PLXDC2: variants seen among roughly 807,000 people sequenced by gnomAD.
PLXDC2 encodes the protein plexin domain-containing protein 2.
A neutral mutation model predicts 68.9 loss-of-function variants in PLXDC2; 40 were observed. That is an observed-to-expected ratio of 0.58 (90% CI 0.45 to 0.76). The LOEUF is 0.76. Among genes scored for constraint, PLXDC2 ranks in the 30% least tolerant of loss-of-function variants. The pLI is 0.00. For missense variants in PLXDC2, 644 were observed against 661.9 expected, an observed-to-expected ratio of 0.97 and a Z score of 0.30; for synonymous variants, 243 against 234.2, an observed-to-expected ratio of 1.04 and a Z score of -0.34.
intron 4 of PLXDC2, among the ~76,000 whole-genome samples, chr10:20,114,676 T>A (rs543861368): frequency 6.6e-6 from 1 of 152,170 alleles, no homozygotes; most frequent in East Asian, 1.9e-4. Context: ...ATGAATAGGA[T>A]TTTTCAGGGC....
chr10:19,824,224 TA>T (rs1836531710), intron 1 of PLXDC2, among the ~76,000 whole-genome samples: 1 of 152,216 alleles, frequency 6.6e-6, no homozygotes, highest in African/African-American at 2.4e-5. Context: ...TTATAAATAG[TA>T]CCTAGGAGTT....
At chr10:19,987,911 G>A (rs1376613200) in intron 1 of PLXDC2, among the ~76,000 whole-genome samples, 2 of 152,076 alleles carry the variant, frequency 1.3e-5, no homozygotes, top group Non-Finnish European at 2.9e-5. Context: ...ACAGAAAAGA[G>A]GAGGAAAAGT....
At chr10:19,954,890 C>T (rs532147228) in intron 1 of PLXDC2, among the ~76,000 whole-genome samples, 1 of 152,136 alleles carries the variant, frequency 6.6e-6, no homozygotes, top group Non-Finnish European at 1.5e-5. Flanking sequence ...TCTTGCCCCC[C>T]CATCCCTGTC....
intron 1 of PLXDC2, among the ~76,000 whole-genome samples, chr10:19,883,390 T>G (rs971416980): frequency 6.6e-6 from 1 of 152,226 alleles, no homozygotes; most frequent in African/African-American, 2.4e-5. Flanking sequence ...CCATCAAAAC[T>G]CCACCCTCTT....
Position 19,986,548 on chromosome 10 carries a change from C to CAAAAGAA in PLXDC2, c.113-15224_113-15223insAGAAAAA, listed in dbSNP as rs1352192129. Among the ~76,000 whole-genome samples the CAAAAGAA allele has an allele frequency of 4.0e-5, 6 of 149,134 alleles. 1 individual carries two copies. Among genetic ancestry groups the CAAAAGAA allele is most frequent in the Non-Finnish European group, 8.9e-5 (6 of 67,228 alleles). ...AGATGTTGATGGCTTAAAAAAAAAA[C>CAAAAGAA]AAAGAAAAAGAAAAAGACATACAAA... On this transcript the variant is annotated intron_variant, in intron 1 of 13. Transcript: ENST00000377252.
At chr10:20,089,151 A>T (rs1833240426) in intron 4 of PLXDC2, among the ~76,000 whole-genome samples, 1 of 134,872 alleles carries the variant, frequency 7.4e-6, no homozygotes, top group Non-Finnish European at 1.6e-5. Context: ...TGTTAAATTA[A>T]AAAAAAACCT....
chr10:19,980,160 A>G (rs1589567697), intron 1 of PLXDC2, among the ~76,000 whole-genome samples: 1 of 152,306 alleles, frequency 6.6e-6, no homozygotes, highest in Non-Finnish European at 1.5e-5. Context: ...GTGTGACTGC[A>G]TTTTTTAATA....
At chr10:20,062,101 T>C (rs1836115787) in intron 3 of PLXDC2, among the ~76,000 whole-genome samples, 1 of 152,206 alleles carries the variant, frequency 6.6e-6, no homozygotes, top group African/African-American at 2.4e-5. Context: ...GTGTCTTGAC[T>C]TTACAGATGA....
chr10:19,879,344 A>T (rs1837687986), intron 1 of PLXDC2, among the ~76,000 whole-genome samples: 1 of 152,124 alleles, frequency 6.6e-6, no homozygotes, highest in African/African-American at 2.4e-5. Flanking sequence ...TACTCAGCCA[A>T]GGTTTGCTGA....
intron 4 of PLXDC2, among the ~76,000 whole-genome samples, chr10:20,086,005 G>T (rs1024875008): frequency 3.5e-4 from 53 of 152,142 alleles, no homozygotes; most frequent in African/African-American, 1.2e-3. Flanking sequence ...TTCTTGTAAT[G>T]GTTTGCTTGA....
At chr10:19,856,457 ACAT>A (rs1837216384) in intron 1 of PLXDC2, among the ~76,000 whole-genome samples, 1 of 152,014 alleles carries the variant, frequency 6.6e-6, no homozygotes, top group African/African-American at 2.4e-5. Context: ...GGTTTGCCAG[ACAT>A]CATCATCTGC....
intron 10 of PLXDC2, among the ~76,000 whole-genome samples, chr10:20,213,804 G>C (rs901630139): frequency 4.5e-4 from 69 of 152,010 alleles, no homozygotes; most frequent in African/African-American, 1.6e-3. Flanking sequence ...TTTTCCTGTT[G>C]GTTGGGTGTC....
chr10:20,287,077 C>T lies in PLXDC2; in HGVS notation c.*7258C>T, dbSNP rs1836165212. The T allele has an allele frequency of 6.6e-6, 1 of 152,178 alleles. No homozygotes were observed. Among genetic ancestry groups the T allele is most frequent in the African/African-American group, 2.4e-5 (1 of 41,438 alleles). The allele number at this position is 152,178 out of a possible 1,614,324, so 9.4% of individuals were successfully genotyped here. On this transcript the variant is annotated 3_prime_UTR_variant, in exon 14 of 14. Coordinates refer to ENST00000377252, the MANE Select transcript of PLXDC2 (RefSeq NM_032812.9). ...CTAATAAATACTCATTGATGACCAGCTCAAATTTAGGTCATTCAGACATCC... is the reference window on the plus strand; with the variant it reads ...CTAATAAATACTCATTGATGACCAGTTCAAATTTAGGTCATTCAGACATCC...
intron 1 of PLXDC2, among the ~76,000 whole-genome samples, chr10:19,961,406 A>C (rs561584714): frequency 9.2e-5 from 14 of 152,366 alleles, no homozygotes; most frequent in African/African-American, 2.9e-4. Context: ...TTTTGTTCCT[A>C]GCATTCTACT....
chr10:20,227,056 T>C (rs1213360992), intron 12 of PLXDC2, among the ~76,000 whole-genome samples: 1 of 152,160 alleles, frequency 6.6e-6, no homozygotes, highest in African/African-American at 2.4e-5. Context: ...CTAGTTATTG[T>C]AGTAGATGGC....
At chr10:20,065,997 G>A (rs909030860) in intron 3 of PLXDC2, among the ~76,000 whole-genome samples, 8 of 152,366 alleles carry the variant, frequency 5.3e-5, no homozygotes, top group African/African-American at 1.7e-4. Flanking sequence ...TTCTGAGGAA[G>A]TTATTGCAAT....
chr10:19,958,097 A>G (rs1834099707), intron 1 of PLXDC2, among the ~76,000 whole-genome samples: 1 of 151,876 alleles, frequency 6.6e-6, no homozygotes, highest in African/African-American at 2.4e-5. Flanking sequence ...ATCTTCTTGG[A>G]TTAACACCTG....
At chr10:19,936,333 C>G (rs1833722930) in intron 1 of PLXDC2, among the ~76,000 whole-genome samples, 1 of 152,032 alleles carries the variant, frequency 6.6e-6, no homozygotes, top group Non-Finnish European at 1.5e-5. Flanking sequence ...CAGGGGTTGG[C>G]AAATGTTTTC....
rs11307851 is a variant in PLXDC2 at position 20,185,160 on chromosome 10, GAAAAAAAAAAA to G, written c.1061+7768_1061+7778del. On this transcript the variant is annotated intron_variant, in intron 9 of 13. Coordinates refer to ENST00000377252, the MANE Select transcript of PLXDC2 (RefSeq NM_032812.9). ...TGCACATACATCCCAGAACTGAAAG[GAAAAAAAAAAA>G]AAAAAAAAAAAAAAAACTATGGGTA... Among the ~76,000 whole-genome samples, 6 of 56,006 alleles carry G rather than the reference GAAAAAAAAAAA, an allele frequency of 1.1e-4. No homozygotes were observed. The East Asian group carries it at 1.9e-3, about 18-fold the overall frequency. The allele number at this position is 56,006 out of a possible 152,430, so 36.7% of individuals were successfully genotyped here.
Sources: gnomAD v4.1 joint callset for allele counts (sites outside exome capture counted in the v4.1 genomes callset) on GRCh38, gnomAD v4.1.1 for gene constraint, MANE v1.5 for transcripts, NCBI Gene and HGNC (gene_info 2026-07-23, HGNC 2026-07-21) for gene names.